PARL: variants seen among roughly 807,000 people sequenced by gnomAD.
PARL encodes the protein presenilin-associated rhomboid-like protein, mitochondrial.
In PARL, 44 loss-of-function variants were observed where a neutral mutation model predicts 51.6. The observed-to-expected ratio is 0.85, with a 90% CI of 0.67 to 1.10. The LOEUF (loss-of-function observed/expected upper bound fraction) is 1.10. Ranked by LOEUF, PARL falls within the 50% of genes least tolerant of loss-of-function variation. PARL has a pLI of 0.00. For missense variants in PARL, 441 were observed against 469.5 expected (o/e 0.94, Z 0.56); for synonymous variants, 172 against 164.0 (o/e 1.05, Z -0.37).
At chr3:183,882,778 A>G (rs372172197) in intron 1 of PARL, among the ~76,000 whole-genome samples, 13 of 152,330 alleles carry the variant, frequency 8.5e-5, no homozygotes, top group Admixed American at 4.6e-4. Context: ...GGCCTGCAGT[A>G]GTTTTCAGAC....
intron 2 of PARL, 88 bp downstream of exon 2, chr3:183,867,777 C>T (rs2108680964): frequency 1.1e-6 from 1 of 921,216 alleles, no homozygotes; most frequent in East Asian, 2.4e-5. Flanking sequence ...TCTACCTGTC[C>T]TTACTTTAAG....
intron 7 of PARL, among the ~76,000 whole-genome samples, chr3:183,834,094 GC>G (rs1728276808): frequency 6.6e-6 from 1 of 152,230 alleles, no homozygotes; most frequent in Admixed American, 6.5e-5. Context: ...ACAGTGCTAA[GC>G]GTGTCATGCG....
At chr3:183,884,121 C>T (rs1423461095) in intron 1 of PARL, among the ~76,000 whole-genome samples, 1 of 152,178 alleles carries the variant, frequency 6.6e-6, no homozygotes, top group Non-Finnish European at 1.5e-5. Context: ...TACTGTGATG[C>T]AAAAATCAGC....
chr3:183,873,182 A>G (rs1733409563), intron 1 of PARL, among the ~76,000 whole-genome samples: 1 of 152,160 alleles, frequency 6.6e-6, no homozygotes, highest in Non-Finnish European at 1.5e-5. Flanking sequence ...GGTGTATCAT[A>G]AAGTAATAGG....
chr3:183,831,024 T>C (rs1047153925), intron 9 of PARL, among the ~76,000 whole-genome samples: 5 of 152,230 alleles, frequency 3.3e-5, no homozygotes, highest in Non-Finnish European at 7.3e-5. Context: ...TTGCCCAGGC[T>C]GGAGTGCAGT....
intron 7 of PARL, among the ~76,000 whole-genome samples, chr3:183,839,611 G>A (rs1328248526): frequency 6.6e-6 from 1 of 152,064 alleles, no homozygotes; most frequent in Non-Finnish European, 1.5e-5. Context: ...GAGGGACAGG[G>A]TTTCACCATG....
At chr3:183,827,543 G>C (rs929203652), downstream of PARL, among the ~76,000 whole-genome samples, 5 of 152,190 alleles carry the variant, frequency 3.3e-5, no homozygotes, top group Non-Finnish European at 7.3e-5. Flanking sequence ...GGTTGCTTTG[G>C]AGACCAGCTG....
At chr3:183,845,963 A>G (rs143151547) in intron 4 of PARL, among the ~76,000 whole-genome samples, 1 of 152,144 alleles carries the variant, frequency 6.6e-6, no homozygotes, top group Non-Finnish European at 1.5e-5. Flanking sequence ...TTGGTGTTTT[A>G]TTCTAATTGT....
chr3:183,883,774 TTCCAC>T, intron 1 of PARL: 1 of 782,632 alleles, frequency 1.3e-6, no homozygotes, highest in Non-Finnish European at 1.6e-6. Flanking sequence ...ATATAGGTTC[TTCCAC>T]TCCACCCACC....
chr3:183,840,983 C>T (rs889330380), intron 6 of PARL, among the ~76,000 whole-genome samples: 1 of 152,154 alleles, frequency 6.6e-6, no homozygotes, highest in African/African-American at 2.4e-5. Flanking sequence ...ATCATTTCAG[C>T]GACTTTACAG....
chr3:183,833,693 C>T (rs1226638108), intron 8 of PARL, 31 bp downstream of exon 8: 4 of 1,479,060 alleles, frequency 2.7e-6, no homozygotes, highest in Non-Finnish European at 1.9e-6. Context: ...TCACCACTAT[C>T]CCCAGCACTG....
At chr3:183,866,933 G>A (rs1308448560) in intron 2 of PARL, among the ~76,000 whole-genome samples, 168 bp from the exon 3 acceptor site, 3 of 150,892 alleles carry the variant, frequency 2.0e-5, no homozygotes, top group Non-Finnish European at 4.4e-5. Context: ...TTCTTTTTGA[G>A]ATGGAGTTTC....
rs76290446 is a variant in PARL at position 183,869,203 on chromosome 3, T to C, written c.126-1143A>G. Reference sequence around the variant, plus strand: ...CTTTCTGTTTGTACCCTGAACATATTATCCCTTCTTATAATTATTCTGAGA... The same window carrying C: ...CTTTCTGTTTGTACCCTGAACATATCATCCCTTCTTATAATTATTCTGAGA... On this transcript the variant is annotated intron_variant, in intron 1 of 9. Coordinates refer to ENST00000317096, the MANE Select transcript of PARL (RefSeq NM_018622.7). Among the ~76,000 whole-genome samples, 257 of 152,268 alleles carry C rather than the reference T, an allele frequency of 1.7e-3. 6 individuals are homozygous for C. The East Asian group carries it at 0.044, about 26-fold the overall frequency.
At chr3:183,848,554 C>T (rs893729675) in intron 4 of PARL, among the ~76,000 whole-genome samples, 1 of 152,190 alleles carries the variant, frequency 6.6e-6, no homozygotes, top group African/African-American at 2.4e-5. Context: ...TCTCTAGTTA[C>T]AAGGTAGTCT....
chr3:183,830,007 A>G (rs955598877), intron 9 of PARL, among the ~76,000 whole-genome samples: 10 of 152,224 alleles, frequency 6.6e-5, no homozygotes, highest in African/African-American at 2.4e-4. Context: ...ACATGAAGCA[A>G]CCAGGTCTGA....
chr3:183,847,087 T>C (rs1415651025), intron 4 of PARL, among the ~76,000 whole-genome samples: 2 of 152,204 alleles, frequency 1.3e-5, no homozygotes, highest in Admixed American at 1.3e-4. Context: ...CGGATGAGCA[T>C]GAGAGGATGT....
chr3:183,861,043 T>C (rs893301436), intron 4 of PARL, among the ~76,000 whole-genome samples: 9 of 152,200 alleles, frequency 5.9e-5, no homozygotes, highest in African/African-American at 2.2e-4. Context: ...CTCTGACTCC[T>C]GACCTCAGGT....
At chr3:183,855,480 G>A (rs890205434) in intron 4 of PARL, among the ~76,000 whole-genome samples, 1 of 152,082 alleles carries the variant, frequency 6.6e-6, no homozygotes, top group Non-Finnish European at 1.5e-5. Flanking sequence ...AACCTTTTTG[G>A]CACCAAGGAC....
intron 1 of PARL, among the ~76,000 whole-genome samples, chr3:183,871,180 G>A (rs1464582014): frequency 1.3e-5 from 2 of 152,094 alleles, no homozygotes; most frequent in Non-Finnish European, 2.9e-5. Context: ...TATACTCAAA[G>A]TAAGGTGGTA....
Sources: allele counts gnomAD v4.1 joint callset (sites outside exome capture counted in the v4.1 genomes callset), GRCh38; gene constraint gnomAD v4.1.1; transcripts MANE v1.5; gene names NCBI Gene and HGNC (gene_info 2026-07-23, HGNC 2026-07-21).